UBE2G2: variants seen among roughly 807,000 people sequenced by gnomAD.
UBE2G2 encodes the protein ubiquitin conjugating enzyme E2 G2, also known as ubiquitin-conjugating enzyme E2 G2.
In UBE2G2, 10 loss-of-function variants were observed where a neutral mutation model predicts 23.0. That is an observed-to-expected ratio of 0.43 (90% CI 0.27 to 0.74). The LOEUF (loss-of-function observed/expected upper bound fraction) is 0.74. UBE2G2 is among the 30% of genes least tolerant of loss of function. The pLI is 0.19. For synonymous variants in UBE2G2, 86 were observed against 81.3 expected (o/e 1.06, Z -0.31); for missense variants, 150 against 218.3 (o/e 0.69, Z 1.97).
chr21:44,801,576 CA>C (rs1436044162), intron 1 of UBE2G2, 129 bp downstream of exon 1: 66 of 1,296,636 alleles, frequency 5.1e-5, no homozygotes, highest in Non-Finnish European at 6.1e-5. Context: ...GCGGGACCCA[CA>C]GGGGGGCTCA....
rs540472532 is a variant in UBE2G2, at chr21:44,795,083, T to C, written c.43+6623A>G. On this transcript the variant is annotated intron_variant, in intron 1 of 5. Transcript: ENST00000345496. The stretch of plus-strand genomic sequence containing the variant: ...TTAGAGACCAGCCTAGCCAACATAG[T>C]GAAATCCCGTTTCTACTAAAAATAC... 1.8e-4 allele frequency among the ~76,000 whole-genome samples: 28 copies of C among 152,016 alleles called. 1 individual carries two copies. The highest frequency in any genetic ancestry group is 4.6e-4 in the Admixed American group (7 of 15,262).
chr21:44,779,376 G>GT (rs1193931231), intron 3 of UBE2G2, among the ~76,000 whole-genome samples: 1 of 135,460 alleles, frequency 7.4e-6, no homozygotes, highest in Non-Finnish European at 1.6e-5. Flanking sequence ...TGGGGTGGGG[G>GT]GGGGGTACTG....
At chr21:44,775,400 T>TA (rs1429675829) in intron 4 of UBE2G2, 1 of 152,260 alleles carries the variant, frequency 6.6e-6, no homozygotes, top group African/African-American at 2.4e-5. Flanking sequence ...GGTCTGCTAT[T>TA]ATTTGCTCAC....
At chr21:44,782,794 A>C (rs1877176408) in intron 3 of UBE2G2, among the ~76,000 whole-genome samples, 2 of 152,246 alleles carry the variant, frequency 1.3e-5, no homozygotes, top group Admixed American at 6.5e-5. Context: ...GTCAATCAAA[A>C]TAGATCAAAG....
intron 1 of UBE2G2, among the ~76,000 whole-genome samples, chr21:44,797,733 A>G (rs1555964088): frequency 2.0e-5 from 3 of 149,528 alleles, no homozygotes; most frequent in Middle Eastern, 3.6e-3. Flanking sequence ...AAAAAAAAAA[A>G]AAAAAAAAGA....
chr21:44,778,843 G>A (rs1188763729), intron 3 of UBE2G2, among the ~76,000 whole-genome samples: 1 of 152,320 alleles, frequency 6.6e-6, no homozygotes, highest in East Asian at 1.9e-4. Flanking sequence ...AAAGGCTAAG[G>A]CAGAAAGAAC....
At chr21:44,787,200 G>T (rs1340209797) in intron 3 of UBE2G2, among the ~76,000 whole-genome samples, 8 of 151,984 alleles carry the variant, frequency 5.3e-5, no homozygotes, top group Non-Finnish European at 1.0e-4. Context: ...AATACACTAA[G>T]AATGGCCAAA....
In UBE2G2 at chr21:44,801,784, A is replaced by G. The variant is rs1440086414; in HGVS notation, c.-36T>C. The G allele has an allele frequency of 6.6e-7, 1 of 1,505,820 alleles. No individual in the cohort carries two copies. The highest frequency in any genetic ancestry group is 8.8e-7 in the Non-Finnish European group (1 of 1,130,808). The allele number at this position is 1,505,820 out of a possible 1,614,324, so 93.3% of individuals were successfully genotyped here. On this transcript the variant is annotated 5_prime_UTR_variant, in exon 1 of 6. Transcript: ENST00000345496. ...CAGCTGCGCCGAGCGACCTCGCCTC[A>G]GCCGCGCGCGTGCCTCCTGCCCCGA...
intron 1 of UBE2G2, among the ~76,000 whole-genome samples, chr21:44,792,712 G>A (rs782697958): frequency 6.6e-6 from 1 of 152,186 alleles, no homozygotes. Flanking sequence ...ACCTTGGGTA[G>A]AACAAGGCCT....
intron 1 of UBE2G2, among the ~76,000 whole-genome samples, chr21:44,798,521 AGT>A: frequency 6.6e-6 from 1 of 152,262 alleles, no homozygotes; most frequent in East Asian, 1.9e-4. Context: ...TTTATGGAAT[AGT>A]CTCAATCTTT....
Position 44,775,995 on chromosome 21 carries a change from G to A in UBE2G2, c.244+1304C>T, listed in dbSNP as rs1204583052. ...TGAGATAAGAAAAGAAGTACCAAAT[G>A]GTCTCTCTCAGGCAGCCGCCCACTA... On this transcript the variant is annotated intron_variant, in intron 4 of 5. Transcript: ENST00000345496. 4.6e-5 allele frequency among the ~76,000 whole-genome samples: 7 copies of A among 152,236 alleles called. No homozygotes were observed. The East Asian group carries it at 1.4e-3, about 29-fold the overall frequency.
At chr21:44,775,899 C>T (rs988251195) in intron 4 of UBE2G2, among the ~76,000 whole-genome samples, 5 of 152,194 alleles carry the variant, frequency 3.3e-5, no homozygotes, top group East Asian at 1.9e-4. Flanking sequence ...CTAACTCAGG[C>T]GCATGGCCAG....
chr21:44,784,637 C>A (rs1381256481), intron 3 of UBE2G2, among the ~76,000 whole-genome samples: 3 of 152,144 alleles, frequency 2.0e-5, no homozygotes, highest in African/African-American at 7.2e-5. Context: ...CTGCTGTGCC[C>A]CGGACACTGG....
At chr21:44,789,383 T>TG (rs1555962638) in intron 1 of UBE2G2, 1 of 35,848 alleles carries the variant, frequency 2.8e-5, no homozygotes, top group African/African-American at 1.7e-4. Flanking sequence ...AGACTCTGTC[T>TG]CAAAAAAAAA....
rs782736269 is a variant in UBE2G2, at chr21:44,771,337, G to C, written c.*40C>G. On this transcript the variant is annotated 3_prime_UTR_variant, in exon 6 of 6. Coordinates refer to ENST00000345496, the MANE Select transcript of UBE2G2 (RefSeq NM_003343.6). The surrounding 1 kb of genome is among the most constrained non-coding windows in gnomAD (Gnocchi z 4.6). ...TAAGTGTGCCGGGGGAGAATGCTGA[G>C]CTGCTTGGCGGTGTGTGCGCGCCTG... 6.3e-7 allele frequency: 1 copy of C among 1,580,144 alleles called. No individual in the cohort carries two copies. Among genetic ancestry groups the C allele is most frequent in the East Asian group, 2.2e-5 (1 of 44,700 alleles).
chr21:44,771,300 C>T lies in UBE2G2; in HGVS notation c.*77G>A. 3 of 1,363,772 alleles carry T rather than the reference C, an allele frequency of 2.2e-6. No homozygotes were observed. The highest frequency in any genetic ancestry group is 3.1e-6 in the Non-Finnish European group (3 of 964,000). 84.5% of individuals were successfully genotyped at this position (1,363,772 alleles called of 1,614,324 possible). A position where few individuals can be genotyped will look rare whatever the true frequency, so the allele number is the denominator to read the frequency against. ...TGCCTTGTTTGGTACCAGCACAGAGCATCACTGTCACTAAGTGTGCCGGGG... is the reference window on the plus strand; with the variant it reads ...TGCCTTGTTTGGTACCAGCACAGAGTATCACTGTCACTAAGTGTGCCGGGG... On this transcript the variant is annotated 3_prime_UTR_variant, in exon 6 of 6. Coordinates refer to ENST00000345496, the MANE Select transcript of UBE2G2 (RefSeq NM_003343.6). The surrounding 1 kb of genome is among the most constrained non-coding windows in gnomAD (Gnocchi z 4.6).
intron 1 of UBE2G2, among the ~76,000 whole-genome samples, chr21:44,791,105 T>C (rs1470836803): frequency 6.6e-6 from 1 of 152,182 alleles, no homozygotes; most frequent in African/African-American, 2.4e-5. Context: ...TAGAGATCTG[T>C]GGAACTTTGA....
At chr21:44,795,878 GGAAGATGGCCATGC>G (rs1473614392) in intron 1 of UBE2G2, among the ~76,000 whole-genome samples, 22 of 152,160 alleles carry the variant, frequency 1.4e-4, no homozygotes, top group Non-Finnish European at 2.2e-4. Context: ...GCACACAGGG[GGAAGATGGCCATGC>G]GAAGATGGAG....
At chr21:44,787,853 C>G (rs1601190127) in intron 3 of UBE2G2, 67 bp downstream of exon 3, 1 of 1,557,324 alleles carries the variant, frequency 6.4e-7, no homozygotes, top group East Asian at 2.2e-5. Context: ...AGTCACACTG[C>G]TGATGTGATT....
Sources: allele counts gnomAD v4.1 joint callset (sites outside exome capture counted in the v4.1 genomes callset), GRCh38; gene constraint gnomAD v4.1.1; non-coding constraint Gnocchi (gnomAD v3.1); transcripts MANE v1.5; gene names NCBI Gene and HGNC (gene_info 2026-07-23, HGNC 2026-07-21).